The following ANP32B variants were observed in gnomAD, a reference collection of about 807,000 sequenced individuals.
ANP32B encodes acidic nuclear phosphoprotein 32 family member B, also known as acidic leucine-rich nuclear phosphoprotein 32 family member B.
A neutral mutation model predicts 32.2 loss-of-function variants in ANP32B; 6 were observed. The observed-to-expected ratio is 0.19, with a 90% confidence interval of 0.10 to 0.37. The LOEUF (loss-of-function observed/expected upper bound fraction) is 0.37, where lower values mean the gene tolerates loss of function less well. ANP32B is among the 10% of genes least tolerant of loss of function. The pLI is 1.00. For synonymous variants in ANP32B, 98 were observed against 105.8 expected (o/e 0.93, Z 0.45); for missense variants, 204 against 289.2 (o/e 0.71, Z 2.14).
At chr9:98,002,644 C>G (rs1177499271) in intron 3 of ANP32B, among the ~76,000 whole-genome samples, 1 of 152,078 alleles carries the variant, frequency 6.6e-6, no homozygotes, top group African/African-American at 2.4e-5. Flanking sequence ...TTTCATTTTT[C>G]AAACTACTGA....
At chr9:98,003,593 AT>A (rs1357660260) in intron 3 of ANP32B, among the ~76,000 whole-genome samples, 24 of 152,272 alleles carry the variant, frequency 1.6e-4, no homozygotes, top group African/African-American at 5.8e-4. Flanking sequence ...TTTTCACACC[AT>A]TTTATATCTC....
intron 2 of ANP32B, among the ~76,000 whole-genome samples, chr9:97,998,241 A>G (rs1359099507): frequency 2.0e-5 from 3 of 152,252 alleles, no homozygotes; most frequent in Non-Finnish European, 4.4e-5. Flanking sequence ...GGTATAGGGT[A>G]TTACAACTTG....
intron 2 of ANP32B, among the ~76,000 whole-genome samples, chr9:97,997,246 A>G (rs1180354966): frequency 6.6e-6 from 1 of 152,194 alleles, no homozygotes; most frequent in Non-Finnish European, 1.5e-5. Flanking sequence ...GACCATGACT[A>G]TTTCACTGAA....
chr9:98,008,143 C>T (rs1828118843), intron 4 of ANP32B, among the ~76,000 whole-genome samples: 1 of 152,186 alleles, frequency 6.6e-6, no homozygotes, highest in Non-Finnish European at 1.5e-5. Flanking sequence ...CCAGCCTCCA[C>T]AGGCCCCAGT....
chr9:97,983,730 C>G (rs993387174), intron 1 of ANP32B, 121 bp downstream of exon 1: 2 of 727,186 alleles, frequency 2.8e-6, no homozygotes, highest in East Asian at 6.8e-5. Context: ...AGCTCGTGGG[C>G]TCGGACGGGG....
rs899135459 is a variant in ANP32B at position 97,983,466 on chromosome 9, C to G, written c.-90C>G. 1.6e-6 allele frequency: 2 copies of G among 1,242,622 alleles called. No homozygotes were observed. Among genetic ancestry groups the G allele is most frequent in the African/African-American group, 1.6e-5 (1 of 64,322 alleles). 77.0% of individuals were successfully genotyped at this position (1,242,622 alleles called of 1,614,324 possible). On this transcript the variant is annotated 5_prime_UTR_variant, in exon 1 of 7. Transcript: ENST00000339399. ...GGCCTCCGCCGCTAGCAAACCCTTCCGACGGCCCTCGCTGCGCAAGCCGGG... is the reference window on the plus strand; with the variant it reads ...GGCCTCCGCCGCTAGCAAACCCTTCGGACGGCCCTCGCTGCGCAAGCCGGG...
At chr9:98,002,457 T>C (rs1828008970) in intron 3 of ANP32B, 1 of 152,222 alleles carries the variant, frequency 6.6e-6, no homozygotes, top group African/African-American at 2.4e-5. Flanking sequence ...ACATCAAATT[T>C]CTGGTATGGT....
At chr9:97,991,533 T>C (rs974837064) in intron 1 of ANP32B, among the ~76,000 whole-genome samples, 6 of 152,108 alleles carry the variant, frequency 3.9e-5, no homozygotes, top group African/African-American at 1.2e-4. Flanking sequence ...ATAGAAGATA[T>C]CCTCAAGAAC....
chr9:97,996,465 T>C (rs1461052786), intron 2 of ANP32B, among the ~76,000 whole-genome samples: 2 of 152,238 alleles, frequency 1.3e-5, no homozygotes, highest in Admixed American at 6.5e-5. Context: ...TAAAAACTTT[T>C]AACATTTAAA....
intron 1 of ANP32B, among the ~76,000 whole-genome samples, chr9:97,991,588 A>G (rs1827826250): frequency 6.6e-6 from 1 of 152,258 alleles, no homozygotes; most frequent in Admixed American, 6.5e-5. Flanking sequence ...GAGAGGTTAC[A>G]AAAAGTAACA....
chr9:98,001,174 C>CT (rs11338569), intron 3 of ANP32B, among the ~76,000 whole-genome samples: 3 of 149,422 alleles, frequency 2.0e-5, no homozygotes, highest in Admixed American at 6.7e-5. Context: ...CGCCACCCCC[C>CT]TTTTTTTTTC....
intron 1 of ANP32B, chr9:97,984,548 CAG>C (rs1827668706): frequency 6.8e-6 from 1 of 147,458 alleles, no homozygotes; most frequent in Non-Finnish European, 1.5e-5. Context: ...CTCTTCACGC[CAG>C]CCGGGGCGCG....
At chr9:98,003,041 G>T (rs1292645799) in intron 3 of ANP32B, among the ~76,000 whole-genome samples, 1 of 152,082 alleles carries the variant, frequency 6.6e-6, no homozygotes, top group Admixed American at 6.6e-5. Context: ...TTCCTCTTTG[G>T]CAAGAAGTCA....
chr9:98,015,780 A>C lies in ANP32B; in HGVS notation c.*349A>C. 5.0e-6 allele frequency: 5 copies of C among 992,900 alleles called. No homozygotes were observed. The highest frequency in any genetic ancestry group is 6.0e-6 in the Non-Finnish European group (5 of 834,558). 61.5% of individuals were successfully genotyped at this position (992,900 alleles called of 1,614,324 possible). A position where few individuals can be genotyped will look rare whatever the true frequency, so the allele number is the denominator to read the frequency against. On this transcript the variant is annotated 3_prime_UTR_variant, in exon 7 of 7. Transcript: ENST00000339399. Reference sequence around the variant, plus strand: ...ACAGCATTTTTACTTTCTGTACAACAAAAAAGCTTTGTAAATAAAATCTTA... The same window carrying C: ...ACAGCATTTTTACTTTCTGTACAACCAAAAAGCTTTGTAAATAAAATCTTA...
intron 1 of ANP32B, among the ~76,000 whole-genome samples, chr9:97,992,566 A>G (rs1827845930): frequency 6.6e-6 from 1 of 152,142 alleles, no homozygotes; most frequent in South Asian, 2.1e-4. Flanking sequence ...CTTTTGGCAT[A>G]TTGGTGTATT....
rs1475157583 is a variant in ANP32B, at chr9:98,015,691, G to A, written c.*260G>A. The A allele has an allele frequency of 2.6e-6, 3 of 1,147,060 alleles. No homozygotes were observed. The highest frequency in any genetic ancestry group is 3.2e-6 in the Non-Finnish European group (3 of 927,040). 71.1% of individuals were successfully genotyped at this position (1,147,060 alleles called of 1,614,324 possible). A position where few individuals can be genotyped will look rare whatever the true frequency, so the allele number is the denominator to read the frequency against. On this transcript the variant is annotated 3_prime_UTR_variant, in exon 7 of 7. Transcript: ENST00000339399. ...TAGGTTTTTGTGTAAGATTCTTGCT[G>A]TAGCGTGGATAGCTGTGATTGGTGA...
At chr9:97,989,834 T>C (rs1827794530) in intron 1 of ANP32B, among the ~76,000 whole-genome samples, 1 of 152,136 alleles carries the variant, frequency 6.6e-6, no homozygotes, top group African/African-American at 2.4e-5. Context: ...CCAGAGTTGA[T>C]ATAAAGATTG....
chr9:97,997,305 T>C (rs865822569), intron 2 of ANP32B, among the ~76,000 whole-genome samples: 1 of 152,364 alleles, frequency 6.6e-6, no homozygotes, highest in South Asian at 2.1e-4. Flanking sequence ...ATTTTCTTCT[T>C]CTGAAATATT....
chr9:97,993,793 G>C (rs900555322), intron 1 of ANP32B, among the ~76,000 whole-genome samples: 1 of 152,114 alleles, frequency 6.6e-6, no homozygotes, highest in African/African-American at 2.4e-5. Context: ...TCGCCATCTT[G>C]CCTGGCTAAT....
Sources: allele counts gnomAD v4.1 joint callset (sites outside exome capture counted in the v4.1 genomes callset), GRCh38; gene constraint gnomAD v4.1.1; transcripts MANE v1.5; gene names NCBI Gene and HGNC (gene_info 2026-07-23, HGNC 2026-07-21).